The following ARHGEF26 variants were observed in gnomAD, a reference collection of about 807,000 sequenced individuals.
ARHGEF26 encodes Rho guanine nucleotide exchange factor (GEF) 26.
Under a neutral mutation model 89.4 loss-of-function variants are expected in ARHGEF26, and 59 were observed. The ratio of observed to expected loss-of-function variants is 0.66; its 90% CI spans 0.54 to 0.82. The LOEUF is 0.82. Ranked by LOEUF, ARHGEF26 falls within the 40% of genes least tolerant of loss-of-function variation. The pLI is 0.00. For synonymous variants in ARHGEF26, 500 were observed against 428.4 expected (o/e 1.17, Z -2.06); for missense variants, 1,234 against 1,085.6 (o/e 1.14, Z -1.92).
chr3:154,229,465 T>C (rs991975754), intron 11 of ARHGEF26, among the ~76,000 whole-genome samples: 8 of 152,218 alleles, frequency 5.3e-5, no homozygotes, highest in African/African-American at 1.9e-4. Flanking sequence ...GATACATGAT[T>C]GATTACTCTG....
chr3:154,153,599 T>C (rs893146162), intron 6 of ARHGEF26, among the ~76,000 whole-genome samples: 2 of 152,074 alleles, frequency 1.3e-5, no homozygotes, highest in African/African-American at 2.4e-5. Context: ...TTTATTCCAT[T>C]TAAGTTTTGT....
rs534526520 is a variant in ARHGEF26 at position 154,212,710 on chromosome 3, G to A, written c.1846-5159G>A. On this transcript the variant is annotated intron_variant, in intron 9 of 14. Transcript: ENST00000465093. ...CACACAGCCTAGATCCTTCACATGC[G>A]CAGTTTACAATAAGGTTCACACTCC... Among the ~76,000 whole-genome samples, 49 of 152,176 alleles carry A rather than the reference G, an allele frequency of 3.2e-4. 2 individuals carry two copies. The South Asian group carries it at 7.9e-3, about 25-fold the overall frequency.
intron 13 of ARHGEF26, among the ~76,000 whole-genome samples, chr3:154,253,918 T>C (rs1718317339): frequency 6.6e-6 from 1 of 152,196 alleles, no homozygotes; most frequent in South Asian, 2.1e-4. Flanking sequence ...AAAAAGCAAA[T>C]TAAGAAGTCA....
At chr3:154,205,714 A>G (rs1270583996) in intron 9 of ARHGEF26, among the ~76,000 whole-genome samples, 4 of 152,198 alleles carry the variant, frequency 2.6e-5, no homozygotes, top group East Asian at 1.9e-4. Flanking sequence ...TTTTAACACA[A>G]TAACAGCACT....
intron 4 of ARHGEF26, among the ~76,000 whole-genome samples, chr3:154,141,286 A>T (rs1003033090): frequency 6.6e-6 from 1 of 152,170 alleles, no homozygotes. Flanking sequence ...TTTTGAAAGG[A>T]TGTAGGCCAG....
In ARHGEF26 at chr3:154,188,572, G is replaced by A. The variant is rs185884056; in HGVS notation, c.1640+735G>A. On this transcript the variant is annotated intron_variant, in intron 7 of 14. Transcript: ENST00000465093. Reference sequence around the variant, plus strand: ...GTTTATCACAAGTAGCTGTTTTACAGCACAGTTGTGCACTGCTGTAAACCC... The same window carrying A: ...GTTTATCACAAGTAGCTGTTTTACAACACAGTTGTGCACTGCTGTAAACCC... Among the ~76,000 whole-genome samples, 7 of 152,260 alleles carry A rather than the reference G, an allele frequency of 4.6e-5. No homozygotes were observed. The East Asian group carries it at 1.4e-3, about 29-fold the overall frequency.
chr3:154,140,496 C>CT (rs898975860), intron 4 of ARHGEF26, among the ~76,000 whole-genome samples: 3 of 151,396 alleles, frequency 2.0e-5, no homozygotes, highest in East Asian at 1.9e-4. Context: ...CTGACTTGGG[C>CT]TTTTTTTTCT....
chr3:154,217,594 GC>G (rs1715846700), intron 9 of ARHGEF26, among the ~76,000 whole-genome samples: 1 of 152,168 alleles, frequency 6.6e-6, no homozygotes, highest in South Asian at 2.1e-4. Flanking sequence ...TTTGAGGTTG[GC>G]CATCTCCCTT....
chr3:154,215,720 G>A (rs769100777), intron 9 of ARHGEF26, among the ~76,000 whole-genome samples: 5 of 152,238 alleles, frequency 3.3e-5, no homozygotes, highest in Non-Finnish European at 5.9e-5. Context: ...TCACATGGTG[G>A]AGAGAGAGCA....
chr3:154,153,688 G>A (rs542645532), intron 6 of ARHGEF26, among the ~76,000 whole-genome samples: 2 of 151,932 alleles, frequency 1.3e-5, no homozygotes, highest in Non-Finnish European at 2.9e-5. Flanking sequence ...TTCATATACT[G>A]TTCCCTGGCC....
At chr3:154,225,735 A>G in intron 10 of ARHGEF26, 121 bp from the exon 11 acceptor site, 1 of 1,086,318 alleles carries the variant, frequency 9.2e-7, no homozygotes, top group South Asian at 2.0e-5. Context: ...TATGCCTATA[A>G]AACAATGATG....
At chr3:154,188,723 T>C (rs1713749847) in intron 7 of ARHGEF26, among the ~76,000 whole-genome samples, 1 of 152,060 alleles carries the variant, frequency 6.6e-6, no homozygotes, top group Admixed American at 6.5e-5. Context: ...GGAGTAGGGG[T>C]TGAGGATGAC....
intron 9 of ARHGEF26, among the ~76,000 whole-genome samples, chr3:154,201,274 A>G (rs1439610122): frequency 6.7e-6 from 1 of 150,232 alleles, no homozygotes; most frequent in Non-Finnish European, 1.5e-5. Flanking sequence ...TGTCCTTGAG[A>G]TAGTTTGCTG....
At chr3:154,168,040 C>A (rs549603987) in intron 6 of ARHGEF26, among the ~76,000 whole-genome samples, 17 of 152,216 alleles carry the variant, frequency 1.1e-4, no homozygotes, top group South Asian at 8.3e-4. Flanking sequence ...TCTTAGTAAG[C>A]CATGTGGTGT....
intron 12 of ARHGEF26, among the ~76,000 whole-genome samples, chr3:154,250,556 C>G (rs1307696741): frequency 6.6e-6 from 1 of 152,204 alleles, no homozygotes; most frequent in East Asian, 1.9e-4. Context: ...TTCATCTGGA[C>G]TTCTGGAAAC....
Position 154,122,969 on chromosome 3 carries a change from A to G in ARHGEF26, c.977A>G (p.Asp326Gly), listed in dbSNP as rs1718085502. Residue 326 changes from aspartate (D) to glycine (G), a missense_variant, in exon 2 of 15, where the codon GAT (aspartate) becomes GGT (glycine). Physicochemically the swap from Asp to Gly is moderately conservative, Grantham distance 94 (BLOSUM62 -1). Transcript: ENST00000465093. ...SYRRAVVSGFDFDSPTSSKKK... is the reference protein window; with the variant it reads ...SYRRAVVSGFGFDSPTSSKKK... ...CGCAGGGCAGTGGTCAGTGGCTTTG[A>G]TTTTGACAGTCCTACCAGCTCGAAG... is the stretch of plus-strand genomic sequence containing the variant. The G allele has an allele frequency of 1.2e-6, 2 of 1,613,772 alleles. No individual in the cohort carries two copies. Among genetic ancestry groups the G allele is most frequent in the Non-Finnish European group, 1.7e-6 (2 of 1,179,822 alleles).
chr3:154,238,160 CCG>C (rs1484742814), intron 11 of ARHGEF26, among the ~76,000 whole-genome samples: 6 of 152,068 alleles, frequency 3.9e-5, no homozygotes, highest in African/African-American at 9.7e-5. Flanking sequence ...TAAAAAATGA[CCG>C]TATTTGTTTG....
rs1318188076 is a variant in ARHGEF26, at chr3:154,256,569, A to C, written c.*1096A>C. On this transcript the variant is annotated 3_prime_UTR_variant, in exon 15 of 15. Transcript: ENST00000465093. ...TAATTAAAAAAAAAAAAAAAAAAAA[A>C]AAAAAACCTTCCCAAATGAGCTGAT... 5.0e-6 allele frequency: 5 copies of C among 1,002,830 alleles called. No homozygotes were observed. The highest frequency in any genetic ancestry group is 5.9e-6 in the Non-Finnish European group (5 of 842,506). The allele number at this position is 1,002,830 out of a possible 1,614,324, so 62.1% of individuals were successfully genotyped here.
chr3:154,252,016 G>A (rs377472197), intron 12 of ARHGEF26, among the ~76,000 whole-genome samples: 10 of 152,276 alleles, frequency 6.6e-5, no homozygotes, highest in African/African-American at 2.4e-4. Flanking sequence ...GGAAAGGCTG[G>A]GGCAAGGGTG....
Sources: allele counts gnomAD v4.1 joint callset (sites outside exome capture counted in the v4.1 genomes callset), GRCh38; gene constraint gnomAD v4.1.1; transcripts MANE v1.5; gene names NCBI Gene and HGNC (gene_info 2026-07-23, HGNC 2026-07-21).